RPAP1: variants seen among roughly 807,000 people sequenced by gnomAD.
RPAP1 encodes RNA polymerase II associated protein 1.
In RPAP1, 109 loss-of-function variants were observed where a neutral mutation model predicts 142.4. The observed-to-expected ratio is 0.77, with a 90% CI of 0.66 to 0.90. The LOEUF is 0.90. Among genes scored for constraint, RPAP1 ranks in the 40% least tolerant of loss-of-function variants. The pLI is 0.00. For missense variants in RPAP1, 1,546 were observed against 1,751.7 expected (o/e 0.88, Z 2.10); for synonymous variants, 704 against 738.9 (o/e 0.95, Z 0.77).
rs1469580764 is a variant in RPAP1, at chr15:41,531,208, G to A, written c.764-6C>T. 1.2e-6 allele frequency: 2 copies of A among 1,607,094 alleles called. No homozygotes were observed. Among genetic ancestry groups the A allele is most frequent in the South Asian group, 1.1e-5 (1 of 90,922 alleles). On this transcript the variant is annotated splice_region_variant and splice_polypyrimidine_tract_variant and intron_variant, in intron 6 of 24. Transcript: ENST00000304330. ...GAAAGCAACCAAGCTGGGGTCTAGA[G>A]GCGAAGGTAGAGGGGAGAGTGAGTG...
At position 41,535,574 on chromosome 15, in the gene RPAP1, C is replaced by T. The variant is rs765708324; in HGVS notation, c.479G>A (p.Arg160Lys). Residue 160 changes from arginine (R) to lysine (K), a missense_variant, in exon 5 of 25, where the codon AGG (arginine) becomes AAG (lysine). Arg to Lys is a conservative substitution (Grantham distance 26, BLOSUM62 2). Around this residue, in one of 3 missense-constraint regions of RPAP1, gnomAD observed 1,333 missense variants for 1,486.6 expected, o/e 0.90. Transcript: ENST00000304330. ...TGATGGGCCCTTGGCTTCAGCTATC[C>T]TCCTTGCCGCAATTTCCTGGGCAAA... ...SIFAQEIAAR[R>K]IAEAKGPSVG... 5.0e-6 allele frequency: 8 copies of T among 1,613,984 alleles called. No individual in the cohort carries two copies. Among genetic ancestry groups the T allele is most frequent in the Middle Eastern group, 1.6e-4 (1 of 6,080 alleles).
At chr15:41,538,841 C>CA (rs1435178717) in intron 1 of RPAP1, among the ~76,000 whole-genome samples, 1 of 152,022 alleles carries the variant, frequency 6.6e-6, no homozygotes, top group Admixed American at 6.6e-5. Flanking sequence ...AAACATTATA[C>CA]TAAGTGAAAG....
chr15:41,518,228 T>C, intron 22 of RPAP1, 46 bp from the exon 23 acceptor site: 1 of 1,493,068 alleles, frequency 6.7e-7, no homozygotes, highest in Non-Finnish European at 9.0e-7. Flanking sequence ...TAGGAATGTA[T>C]ATACATACAT....
intron 1 of RPAP1, among the ~76,000 whole-genome samples, chr15:41,538,475 C>T (rs1393525194): frequency 6.6e-6 from 1 of 151,924 alleles, no homozygotes; most frequent in Non-Finnish European, 1.5e-5. Context: ...GTCTGCTCAA[C>T]CTTGACAATG....
rs1236876041 is a variant in RPAP1 at position 41,537,168 on chromosome 15, G to A, written c.-43C>T. 2 of 1,577,118 alleles carry A rather than the reference G, an allele frequency of 1.3e-6. No individual in the cohort carries two copies. Among genetic ancestry groups the A allele is most frequent in the African/African-American group, 2.7e-5 (2 of 74,246 alleles). On this transcript the variant is annotated 5_prime_UTR_variant, in exon 2 of 25. Coordinates refer to ENST00000304330, the MANE Select transcript of RPAP1 (RefSeq NM_015540.4). ...CTCCCCAGTACGACTCTCTCCAGCA[G>A]TGTCTCCGTGTGGGGGTTCCCTCTT...
chr15:41,522,098 C>A lies in RPAP1; in HGVS notation c.2895G>T (p.Ala965=). ...GAACCTGTCAGACAGGGGGACCTACCGCTTTCTGGGCCAGAGCGAGTGCCA... is the reference window on the plus strand; with the variant it reads ...GAACCTGTCAGACAGGGGGACCTACAGCTTTCTGGGCCAGAGCGAGTGCCA... ...QYLALALAQK[A]AALQPLPATH... is the part of the protein sequence containing the mutation. Residue 965 remains alanine, a splice_region_variant and synonymous_variant, in exon 20 of 25, where the codon GCG becomes GCT. Coordinates refer to ENST00000304330, the MANE Select transcript of RPAP1 (RefSeq NM_015540.4). 1 of 1,613,052 alleles carries A rather than the reference C, an allele frequency of 6.2e-7. No homozygotes were observed. Among genetic ancestry groups the A allele is most frequent in the Non-Finnish European group, 8.5e-7 (1 of 1,179,668 alleles).
At chr15:41,540,511 G>A (rs1432010213) in intron 1 of RPAP1, among the ~76,000 whole-genome samples, 2 of 152,140 alleles carry the variant, frequency 1.3e-5, no homozygotes, top group African/African-American at 4.8e-5. Context: ...ATGTTGGTCA[G>A]GCTGGTCTCG....
Position 41,521,737 on chromosome 15 carries a change from C to G in RPAP1, c.3038+1G>C. 1.9e-6 allele frequency: 3 copies of G among 1,613,938 alleles called. No individual in the cohort carries two copies. Among genetic ancestry groups the G allele is most frequent in the Non-Finnish European group, 2.5e-6 (3 of 1,179,924 alleles). ...GTTGATGCCACCAACCAAGCACTTA[C>G]GGGAGGAACTCCAGCCGGAATACAC... On this transcript the variant is annotated splice_donor_variant, in intron 21 of 24. Coordinates refer to ENST00000304330, the MANE Select transcript of RPAP1 (RefSeq NM_015540.4). LOFTEE classifies it high-confidence loss of function.
intron 1 of RPAP1, among the ~76,000 whole-genome samples, chr15:41,543,056 T>C (rs1039099808): frequency 2.0e-5 from 3 of 152,144 alleles, no homozygotes; most frequent in African/African-American, 7.2e-5. Flanking sequence ...GCTCACTTCA[T>C]AGGGTGCGCC....
intron 1 of RPAP1, among the ~76,000 whole-genome samples, chr15:41,539,860 T>G (rs1193102296): frequency 6.6e-6 from 1 of 151,680 alleles, no homozygotes; most frequent in African/African-American, 2.4e-5. Context: ...CATGGTGAAG[T>G]CTCTACTAAA....
chr15:41,541,042 A>T (rs1428897862), intron 1 of RPAP1, among the ~76,000 whole-genome samples: 1 of 152,088 alleles, frequency 6.6e-6, no homozygotes, highest in Non-Finnish European at 1.5e-5. Flanking sequence ...TCAGAAAAAA[A>T]TCACCCCCAG....
rs750197559 is a variant in RPAP1, at chr15:41,536,211, T to A, written c.338A>T (p.Asp113Val). Reference protein sequence around the residue: ...TAVLTKIIERDTSSVAVNLPV... With the variant: ...TAVLTKIIERVTSSVAVNLPV... Reference sequence around the variant, plus strand: ...CAGATTCACGGCCACTGAACTTGTATCTCGTTCCTGTAGCAACAAAGCACA... The same window carrying A: ...CAGATTCACGGCCACTGAACTTGTAACTCGTTCCTGTAGCAACAAAGCACA... Residue 113 changes from aspartate to valine, a missense_variant, in exon 4 of 25, where the codon GAT becomes GTT. By Grantham distance (152) the Asp-to-Val change is radical (BLOSUM62 -3). Around this residue, in one of 3 missense-constraint regions of RPAP1, gnomAD observed 1,333 missense variants for 1,486.6 expected, o/e 0.90. Coordinates refer to ENST00000304330, the MANE Select transcript of RPAP1 (RefSeq NM_015540.4). The A allele has an allele frequency of 2.0e-5, 33 of 1,613,874 alleles. No homozygotes were observed. The highest frequency in any genetic ancestry group is 2.8e-5 in the Non-Finnish European group (33 of 1,179,958).
intron 23 of RPAP1, 73 bp downstream of exon 23, chr15:41,517,933 C>G: frequency 6.2e-7 from 1 of 1,613,078 alleles, no homozygotes; most frequent in Non-Finnish European, 8.5e-7. Flanking sequence ...ACACTTACCT[C>G]TTCCCCAGCT....
Position 41,528,041 on chromosome 15 carries a change from GGTA to G in RPAP1, c.1261-17_1261-15del, listed in dbSNP as rs2051813518. The G allele has an allele frequency of 1.2e-6, 2 of 1,612,640 alleles. No individual in the cohort carries two copies. Among genetic ancestry groups the G allele is most frequent in the Non-Finnish European group, 8.5e-7 (1 of 1,179,442 alleles). Reference sequence around the variant, plus strand: ...ACCAGCCTGGGCCTGAGGGCAGGAGGGTAAAACCTTGCTGAAGATGCTGAAGTT... The same window carrying G: ...ACCAGCCTGGGCCTGAGGGCAGGAGGAAACCTTGCTGAAGATGCTGAAGTT... On this transcript the variant is annotated splice_polypyrimidine_tract_variant and intron_variant, in intron 10 of 24. Coordinates refer to ENST00000304330, the MANE Select transcript of RPAP1 (RefSeq NM_015540.4).
intron 18 of RPAP1, 78 bp from the exon 19 acceptor site, chr15:41,523,038 C>A: frequency 7.9e-7 from 1 of 1,264,234 alleles, no homozygotes. Flanking sequence ...GGGTCTGTAC[C>A]TAAGACTAAC....
rs754420968 is a variant in RPAP1 at position 41,536,232 on chromosome 15, G to C, written c.331-14C>G. ...TGTATCTCGTTCCTGTAGCAACAAA[G>C]CACAAAGTTGTGAAGCACAATGGAG... On this transcript the variant is annotated splice_polypyrimidine_tract_variant and intron_variant, in intron 3 of 24. Transcript: ENST00000304330. 3 of 1,612,154 alleles carry C rather than the reference G, an allele frequency of 1.9e-6. No homozygotes were observed. Among genetic ancestry groups the C allele is most frequent in the Non-Finnish European group, 2.5e-6 (3 of 1,178,414 alleles).
intron 1 of RPAP1, 70 bp downstream of exon 1, chr15:41,544,149 A>C (rs987463855): frequency 1.3e-5 from 2 of 152,414 alleles, no homozygotes; most frequent in Non-Finnish European, 2.9e-5. Flanking sequence ...CCAGCAAAGA[A>C]ACTGGACACG....
At chr15:41,523,084 C>T (rs1314212467) in intron 18 of RPAP1, 124 bp from the exon 19 acceptor site, 1 of 948,164 alleles carries the variant, frequency 1.1e-6, no homozygotes, top group East Asian at 2.9e-5. Context: ...GCTGCTCACA[C>T]TCCTCAGAGC....
Position 41,521,879 on chromosome 15 carries a change from GC to G in RPAP1, c.2896del (p.Ala966GlnfsTer22). 1 of 1,613,524 alleles carries G rather than the reference GC, an allele frequency of 6.2e-7. No homozygotes were observed. Among genetic ancestry groups the G allele is most frequent in the Non-Finnish European group, 8.5e-7 (1 of 1,179,768 alleles). ...GGTGGCTGGCAGTGGCTGCAGCGCT[GC>G]CTGCAGACAGAAAAGCAGGGAACTA... ...YLALALAQKA[A>X]ALQPLPATHA... On this transcript the variant is annotated frameshift_variant and splice_region_variant, in exon 21 of 25. Transcript: ENST00000304330. LOFTEE classifies it high-confidence loss of function.
Sources: gnomAD v4.1 joint callset for allele counts (sites outside exome capture counted in the v4.1 genomes callset) on GRCh38, gnomAD v4.1.1 for gene constraint, gnomAD v4.1.1 regional missense constraint, MANE v1.5 for transcripts, NCBI Gene and HGNC (gene_info 2026-07-23, HGNC 2026-07-21) for gene names.